Variants in ZNF207 observed in about 807,000 individuals in gnomAD.
ZNF207 encodes zinc finger protein 207, also known as BUB3-interacting and GLEBS motif-containing protein ZNF207.
Under a neutral mutation model 60.2 loss-of-function variants are expected in ZNF207, and 24 were observed. That is an observed-to-expected ratio of 0.40 (90% CI 0.29 to 0.56). The LOEUF is 0.56. Among genes scored for constraint, ZNF207 ranks in the 20% least tolerant of loss-of-function variants. The pLI is 0.49. For missense variants in ZNF207, 452 were observed against 636.6 expected (o/e 0.71, Z 3.12); for synonymous variants, 236 against 194.7 (o/e 1.21, Z -1.77).
At chr17:32,350,460 G>A (rs1161692328) in intron 1 of ZNF207, 134 bp downstream of exon 1, 1 of 1,198,242 alleles carries the variant, frequency 8.3e-7, no homozygotes, top group African/African-American at 1.5e-5. Flanking sequence ...CTGGTGGCTG[G>A]GATTGGACTT....
rs1905363447 is a variant in ZNF207, at chr17:32,369,439, C to T, written c.1309C>T (p.Pro437Ser). The stretch of plus-strand genomic sequence containing the variant: ...CCCACAGCAACAAGGAATGAGACCC[C>T]CAATGCCACCTCATGGTATTCCTCT... ...GIPQQQGMRP[P>S]MPPHGQYGGH... Residue 437 changes from proline (P) to serine (S), a missense_variant, in exon 11 of 12, where the codon CCA becomes TCA. Physicochemically the swap from Pro to Ser is moderately conservative, Grantham distance 74 (BLOSUM62 -1). Around this residue, in one of 2 missense-constraint regions of ZNF207, gnomAD observed 390 missense variants for 461.4 expected, o/e 0.85. Transcript: ENST00000394670. The T allele has an allele frequency of 1.9e-6, 3 of 1,614,026 alleles. No homozygotes were observed. The highest frequency in any genetic ancestry group is 2.7e-5 in the African/African-American group (2 of 74,916).
chr17:32,351,379 TTATTGC>T, intron 1 of ZNF207: 1 of 1,048,090 alleles, frequency 9.5e-7, no homozygotes, highest in Non-Finnish European at 1.2e-6. Flanking sequence ...CCTAATCCAG[TTATTGC>T]TATCGTCTTC....
At chr17:32,367,282 T>TATATGTATATATATATAA (rs1445385221) in intron 9 of ZNF207, among the ~76,000 whole-genome samples, 2 of 82,862 alleles carry the variant, frequency 2.4e-5, no homozygotes, top group Non-Finnish European at 4.4e-5. Context: ...TATATATATA[T>TATATGTATATATATATAA]ATAAAGAATA....
At position 32,379,626 on chromosome 17, in the gene ZNF207, C is replaced by G. The variant is rs1905806077; in HGVS notation, c.*9867C>G. 1 of 152,062 alleles carries G rather than the reference C, an allele frequency of 6.6e-6. No homozygotes were observed. Among genetic ancestry groups the G allele is most frequent in the Non-Finnish European group, 1.5e-5 (1 of 67,992 alleles). 9.4% of individuals were successfully genotyped at this position (152,062 alleles called of 1,614,324 possible). Reference sequence around the variant, plus strand: ...TGTTGAAGCTGTTGTTGTGGTGATTCATGAGCAGTAAGCTGGAGTTAGAGT... The same window carrying G: ...TGTTGAAGCTGTTGTTGTGGTGATTGATGAGCAGTAAGCTGGAGTTAGAGT... On this transcript the variant is annotated 3_prime_UTR_variant, in exon 12 of 12. Coordinates refer to ENST00000394670, the MANE Select transcript of ZNF207 (RefSeq NM_001098507.2).
At chr17:32,363,631 A>G (rs1213361261) in intron 7 of ZNF207, among the ~76,000 whole-genome samples, 1 of 136,408 alleles carries the variant, frequency 7.3e-6, no homozygotes, top group African/African-American at 2.8e-5. Context: ...TCCGGGGTTC[A>G]AGTGATTCTC....
intron 11 of ZNF207, 36 bp downstream of exon 11, chr17:32,369,490 T>C: frequency 6.2e-7 from 1 of 1,607,852 alleles, no homozygotes; most frequent in Non-Finnish European, 8.5e-7. Flanking sequence ...ATTTAGTGGA[T>C]TTTCTAAGTT....
chr17:32,367,238 A>ATT lies in ZNF207; in HGVS notation c.921+482_921+483dup, dbSNP rs1229963872. Among the ~76,000 whole-genome samples the ATT allele has an allele frequency of 2.6e-3, 84 of 32,312 alleles. No homozygotes were observed. The South Asian group carries it at 0.038, about 15-fold the overall frequency. The allele number at this position is 32,312 out of a possible 152,430, so 21.2% of individuals were successfully genotyped here. ...TCCAGCCATTGTTAATTTGGAGGGG[A>ATT]TTATATATATATATATATATATATA... is the stretch of plus-strand genomic sequence containing the variant. On this transcript the variant is annotated intron_variant, in intron 9 of 11. Transcript: ENST00000394670.
At chr17:32,351,974 A>G in intron 2 of ZNF207, 62 bp downstream of exon 2, 1 of 1,450,056 alleles carries the variant, frequency 6.9e-7, no homozygotes, top group Non-Finnish European at 9.2e-7. Context: ...TGAAAGAATA[A>G]TCTTTTTTAT....
At chr17:32,358,788 ATTGT>A (rs922932343) in intron 3 of ZNF207, 147 bp downstream of exon 3, 55 of 608,404 alleles carry the variant, frequency 9.0e-5, no homozygotes, top group East Asian at 3.3e-4. Context: ...GGTTTAAGTG[ATTGT>A]TTGTTTGTTT....
At position 32,366,861 on chromosome 17, in the gene ZNF207, A is replaced by G. The variant is rs1597788674; in HGVS notation, c.921+104A>G. 3.7e-6 allele frequency: 4 copies of G among 1,081,360 alleles called. No homozygotes were observed. The East Asian group carries it at 1.2e-4, about 31-fold the overall frequency. 67.0% of individuals were successfully genotyped at this position (1,081,360 alleles called of 1,614,324 possible). On this transcript the variant is annotated intron_variant, in intron 9 of 11. Coordinates refer to ENST00000394670, the MANE Select transcript of ZNF207 (RefSeq NM_001098507.2). ...ATTTTTCCAAAAATATACTGTGTTT[A>G]CTTTTTTAAAGCAAAATTAATGCTA...
rs777292414 is a variant in ZNF207 at position 32,365,394 on chromosome 17, G to A, written c.735G>A (p.Ala245=). The part of the protein sequence containing the change: ...PPMTQAQAVS[A]PGILNRPPAP... ...TGACTCAAGCACAGGCTGTTTCAGC[G>A]CCAGGTATTCTTAATAGACCACCTG... Residue 245 remains alanine (A), a synonymous_variant, in exon 8 of 12, where the codon GCG becomes GCA. Transcript: ENST00000394670. The A allele has an allele frequency of 1.1e-5, 18 of 1,613,962 alleles. No homozygotes were observed. The highest frequency in any genetic ancestry group is 1.6e-4 in the Middle Eastern group (1 of 6,062).
intron 9 of ZNF207, among the ~76,000 whole-genome samples, chr17:32,367,376 G>GTT (rs371039583): frequency 5.0e-5 from 7 of 139,424 alleles, no homozygotes; most frequent in Non-Finnish European, 1.1e-4. Flanking sequence ...ATATTCTGTA[G>GTT]TTTTTTTTTT....
intron 9 of ZNF207, among the ~76,000 whole-genome samples, chr17:32,367,264 TATATATATATATATATATATAA>T (rs1211008806): frequency 2.6e-5 from 3 of 115,516 alleles, no homozygotes; most frequent in Admixed American, 8.3e-5. Context: ...TATATATATA[TATATATATATATATATATATAA>T]AGAATACTAC....
chr17:32,366,886 A>G (rs1905186853), intron 9 of ZNF207, 129 bp downstream of exon 9: 3 of 752,258 alleles, frequency 4.0e-6, no homozygotes, highest in African/African-American at 1.8e-5. Context: ...AATTAATGCT[A>G]TATAAGTCAA....
chr17:32,361,735 A>C (rs976449223), intron 6 of ZNF207, among the ~76,000 whole-genome samples: 4 of 152,206 alleles, frequency 2.6e-5, no homozygotes, highest in Non-Finnish European at 5.9e-5. Context: ...ATGTGCAGTG[A>C]TTTTCTCCAA....
chr17:32,364,897 T>A (rs1905091121), intron 7 of ZNF207, among the ~76,000 whole-genome samples: 1 of 152,208 alleles, frequency 6.6e-6, no homozygotes, highest in African/African-American at 2.4e-5. Flanking sequence ...TTGAGGAAGT[T>A]TAAAGTATGT....
At position 32,378,394 on chromosome 17, in the gene ZNF207, TC is replaced by T. The variant is rs1905755281; in HGVS notation, c.*8636del. The T allele has an allele frequency of 6.6e-6, 1 of 152,100 alleles. No individual in the cohort carries two copies. The highest frequency in any genetic ancestry group is 2.4e-5 in the African/African-American group (1 of 41,456). The allele number at this position is 152,100 out of a possible 1,614,324, so 9.4% of individuals were successfully genotyped here. On this transcript the variant is annotated 3_prime_UTR_variant, in exon 12 of 12. Transcript: ENST00000394670. Reference sequence around the variant, plus strand: ...AACCTAAGAAAAAAGGCAAGTTTCCTCACATCTAGAAATGATAAATGGTGTA... The same window carrying T: ...AACCTAAGAAAAAAGGCAAGTTTCCTACATCTAGAAATGATAAATGGTGTA...
intron 8 of ZNF207, among the ~76,000 whole-genome samples, chr17:32,366,014 C>G (rs1335916907): frequency 6.6e-6 from 1 of 151,994 alleles, no homozygotes; most frequent in Non-Finnish European, 1.5e-5. Flanking sequence ...AGTCTTTTTT[C>G]CAGAGCATAA....
intron 3 of ZNF207, 106 bp downstream of exon 3, chr17:32,358,747 G>C: frequency 1.1e-6 from 1 of 880,148 alleles, no homozygotes; most frequent in Admixed American, 4.3e-5. Context: ...ACAGTGGTGT[G>C]ATCTGGGCTC....
Sources: allele counts gnomAD v4.1 joint callset (sites outside exome capture counted in the v4.1 genomes callset), GRCh38; gene constraint gnomAD v4.1.1; regional missense constraint gnomAD v4.1.1; transcripts MANE v1.5; gene names NCBI Gene and HGNC (gene_info 2026-07-23, HGNC 2026-07-21).